IL1RAPL2: variants seen among roughly 807,000 people sequenced by gnomAD.
IL1RAPL2 encodes the protein X-linked interleukin-1 receptor accessory protein-like 2.
IL1RAPL2 carries 3 observed loss-of-function variants against 44.1 expected under a neutral mutation model. The ratio of observed to expected loss-of-function variants is 0.07; its 90% CI spans 0.03 to 0.18. The LOEUF (loss-of-function observed/expected upper bound fraction) is 0.18. Among genes scored for constraint, IL1RAPL2 ranks in the 10% least tolerant of loss-of-function variants. The pLI is 1.00. For synonymous variants in IL1RAPL2, 181 were observed against 178.8 expected (o/e 1.01, Z -0.10); for missense variants, 391 against 496.4 (o/e 0.79, Z 2.02).
intron 6 of IL1RAPL2, among the ~76,000 whole-genome samples, chrX:105,492,530 AATT>A (rs1005748282): frequency 2.3e-4 from 25 of 109,928 alleles, no homozygotes; most frequent in Middle Eastern, 4.8e-3. Flanking sequence ...TAAGAATAGC[AATT>A]ATTATTATAA....
chrX:105,542,739 AT>A (rs1009733174), intron 6 of IL1RAPL2, among the ~76,000 whole-genome samples: 21 of 84,135 alleles, frequency 2.5e-4, no homozygotes, highest in South Asian at 4.9e-4. Flanking sequence ...TTAATTTATT[AT>A]TTTTTTTTTT....
chrX:105,089,646 CATACT>C (rs2032519068), intron 2 of IL1RAPL2, among the ~76,000 whole-genome samples: 1 of 111,744 alleles, frequency 8.9e-6, no homozygotes, highest in African/African-American at 3.3e-5. Context: ...TAGGAGGAAT[CATACT>C]ATAACAAGGA....
intron 6 of IL1RAPL2, among the ~76,000 whole-genome samples, chrX:105,677,378 A>G (rs1044457526): frequency 1.8e-5 from 2 of 112,114 alleles, no homozygotes; most frequent in Non-Finnish European, 3.8e-5. Context: ...TATACTGCAC[A>G]TTCTAAAGCT....
At chrX:105,187,005 G>A (rs1217336634) in intron 2 of IL1RAPL2, among the ~76,000 whole-genome samples, 1 of 111,492 alleles carries the variant, frequency 9.0e-6, no homozygotes, top group Non-Finnish European at 1.9e-5. Context: ...ACCCTTAACT[G>A]CTTACAGTTT....
chrX:104,667,411 G>A (rs1930503257), intron 2 of IL1RAPL2, among the ~76,000 whole-genome samples: 1 of 111,231 alleles, frequency 9.0e-6, no homozygotes, highest in Non-Finnish European at 1.9e-5. Flanking sequence ...TAAATCATAG[G>A]GGGAAGGGAG....
At chrX:104,798,500 T>TAA (rs397895099) in intron 2 of IL1RAPL2, among the ~76,000 whole-genome samples, 62 of 92,433 alleles carry the variant, frequency 6.7e-4, no homozygotes, top group Non-Finnish European at 1.9e-4. Flanking sequence ...CTACTAAAAA[T>TAA]AAAAAAAAAA....
intron 1 of IL1RAPL2, among the ~76,000 whole-genome samples, chrX:104,571,024 G>A (rs1602624961): frequency 9.1e-6 from 1 of 109,312 alleles, no homozygotes; most frequent in Non-Finnish European, 1.9e-5. Context: ...ATCTGTGACT[G>A]CTCCTGTGTG....
intron 2 of IL1RAPL2, among the ~76,000 whole-genome samples, chrX:104,926,546 A>G (rs1436259473): frequency 8.9e-6 from 1 of 111,814 alleles, no homozygotes; most frequent in African/African-American, 3.2e-5. Context: ...AGTCTGGGCC[A>G]TATGTGGGAG....
chrX:105,392,483 A>G, intron 5 of IL1RAPL2, among the ~76,000 whole-genome samples: 2 of 112,081 alleles, frequency 1.8e-5, no homozygotes, highest in South Asian at 7.3e-4. Context: ...TGGCACTTCA[A>G]CAGTATTTGA....
At chrX:105,463,509 C>G (rs1025554064) in intron 5 of IL1RAPL2, among the ~76,000 whole-genome samples, 1 of 109,703 alleles carries the variant, frequency 9.1e-6, no homozygotes, top group Admixed American at 9.8e-5. Flanking sequence ...TATGTGAAAA[C>G]AGGGGATTGG....
rs748985096 is a variant in IL1RAPL2, at chrX:104,577,887, C to T, written c.-20+10836C>T. 5.4e-5 allele frequency among the ~76,000 whole-genome samples: 6 copies of T among 111,146 alleles called. No individual in the cohort carries two copies. The South Asian group carries it at 2.3e-3, about 43-fold the overall frequency. On this transcript the variant is annotated intron_variant, in intron 1 of 10. Transcript: ENST00000372582. ...TTAAGAGTAATAGGAGTGGGCTTCT[C>T]ACTGTCATAGAAGGCAGTTACAAAT...
At chrX:105,230,504 CATAT>C (rs781832865) in intron 3 of IL1RAPL2, among the ~76,000 whole-genome samples, 2 of 107,030 alleles carry the variant, frequency 1.9e-5, no homozygotes, top group African/African-American at 6.7e-5. Context: ...ATTAATTATA[CATAT>C]ATATAATTAT....
At chrX:105,676,012 T>G (rs992838634) in intron 6 of IL1RAPL2, 8 of 111,754 alleles carry the variant, frequency 7.2e-5, no homozygotes, top group African/African-American at 2.6e-4. Context: ...ATATCCACTT[T>G]TTCATTCTTT....
At chrX:104,960,233 G>A (rs1283871012) in intron 2 of IL1RAPL2, among the ~76,000 whole-genome samples, 1 of 111,894 alleles carries the variant, frequency 8.9e-6, no homozygotes, top group Non-Finnish European at 1.9e-5. Context: ...AGAACAGAAA[G>A]CTGGGGAAGT....
chrX:105,537,129 A>G (rs2036683277), intron 6 of IL1RAPL2, among the ~76,000 whole-genome samples: 1 of 111,945 alleles, frequency 8.9e-6, no homozygotes, highest in African/African-American at 3.2e-5. Context: ...TTTGAATCAT[A>G]GTTAGAAGGT....
intron 2 of IL1RAPL2, among the ~76,000 whole-genome samples, chrX:104,902,576 A>G (rs1321743032): frequency 8.9e-6 from 1 of 112,107 alleles, no homozygotes; most frequent in Non-Finnish European, 1.9e-5. Flanking sequence ...GTATTTTATT[A>G]CCTTTTAAAA....
chrX:104,956,752 C>T (rs1285912084), intron 2 of IL1RAPL2, among the ~76,000 whole-genome samples: 1 of 111,485 alleles, frequency 9.0e-6, no homozygotes, highest in African/African-American at 3.3e-5. Context: ...ATTCTGGTGG[C>T]CAAGGGTTTG....
intron 2 of IL1RAPL2, among the ~76,000 whole-genome samples, chrX:104,838,775 T>C (rs1358898305): frequency 9.1e-6 from 1 of 109,620 alleles, no homozygotes; most frequent in Non-Finnish European, 1.9e-5. Context: ...ATAGGAGTAG[T>C]GAGAGAGGGC....
intron 2 of IL1RAPL2, among the ~76,000 whole-genome samples, chrX:105,168,504 G>GAGAA (rs1306611236): frequency 1.0e-4 from 11 of 107,218 alleles, no homozygotes; most frequent in Non-Finnish European, 7.7e-5. Flanking sequence ...GAGAGAGAGA[G>GAGAA]AGAAAGAGAG....
Sources: gnomAD v4.1 joint callset for allele counts (sites outside exome capture counted in the v4.1 genomes callset) on GRCh38, gnomAD v4.1.1 for gene constraint, MANE v1.5 for transcripts, NCBI Gene and HGNC (gene_info 2026-07-23, HGNC 2026-07-21) for gene names.